Variants in MBD5 observed in about 807,000 individuals in gnomAD.
The protein encoded by MBD5 is methyl-CpG-binding domain protein 5.
A neutral mutation model predicts 117.3 loss-of-function variants in MBD5; 13 were observed. The ratio of observed to expected loss-of-function variants is 0.11; its 90% confidence interval spans 0.07 to 0.18. MBD5 has a LOEUF of 0.18. MBD5 is among the 10% of genes least tolerant of loss of function. The probability of loss-of-function intolerance (pLI) is 1.00; values close to 1 mark genes in which losing one functional copy is unlikely to be tolerated. For synonymous variants in MBD5, 727 were observed against 766.4 expected (o/e 0.95, Z 0.85); for missense variants, 1,879 against 2,093.8 (o/e 0.90, Z 2.00).
chr2:148,246,697 C>T (rs901896414), intron 3 of MBD5, among the ~76,000 whole-genome samples: 9 of 130,932 alleles, frequency 6.9e-5, no homozygotes, highest in African/African-American at 2.6e-4. Context: ...CCAGGGAGCA[C>T]AGGTTGCAGT....
At chr2:148,291,073 G>A (rs181313534) in intron 3 of MBD5, among the ~76,000 whole-genome samples, 3 of 152,138 alleles carry the variant, frequency 2.0e-5, no homozygotes, top group Non-Finnish European at 4.4e-5. Flanking sequence ...CTATCTTTTT[G>A]TAGGTACCAC....
chr2:148,497,269 A>T (rs1188363544), intron 11 of MBD5, among the ~76,000 whole-genome samples: 6 of 152,120 alleles, frequency 3.9e-5, no homozygotes, highest in African/African-American at 1.4e-4. Flanking sequence ...TGTACTAGGC[A>T]CTATTCAAGC....
At chr2:148,259,178 C>G (rs1700672312) in intron 3 of MBD5, among the ~76,000 whole-genome samples, 1 of 152,196 alleles carries the variant, frequency 6.6e-6, no homozygotes, top group South Asian at 2.1e-4. Context: ...GTCCGTATGG[C>G]TGCCCATAGC....
intron 2 of MBD5, among the ~76,000 whole-genome samples, chr2:148,219,407 A>T (rs893612910): frequency 2.6e-5 from 4 of 152,092 alleles, no homozygotes; most frequent in Admixed American, 2.6e-4. Context: ...GAAGGAGTAC[A>T]CTCTACTATA....
intron 1 of MBD5, among the ~76,000 whole-genome samples, chr2:148,101,487 C>T (rs1259920726): frequency 6.6e-6 from 1 of 151,862 alleles, no homozygotes; most frequent in Non-Finnish European, 1.5e-5. Flanking sequence ...TCATATGGTT[C>T]CAATGGAAAT....
intron 1 of MBD5, among the ~76,000 whole-genome samples, chr2:148,030,082 C>A (rs1448557147): frequency 2.6e-5 from 4 of 152,066 alleles, no homozygotes; most frequent in Non-Finnish European, 5.9e-5. Context: ...ACCAGCCTGA[C>A]CAGCATGGTA....
intron 6 of MBD5, among the ~76,000 whole-genome samples, 164 bp from the exon 7 acceptor site, chr2:148,463,575 A>G (rs544403143): frequency 6.6e-5 from 10 of 152,312 alleles, no homozygotes; most frequent in Non-Finnish European, 1.0e-4. Context: ...TGAGTTCAGC[A>G]GAAGTACTTA....
intron 1 of MBD5, among the ~76,000 whole-genome samples, chr2:148,091,830 A>G (rs1383522964): frequency 6.6e-6 from 1 of 152,322 alleles, no homozygotes; most frequent in East Asian, 1.9e-4. Flanking sequence ...TAATTAAACT[A>G]AAAAGTTTCT....
chr2:148,132,842 T>C (rs1697083079), intron 1 of MBD5, among the ~76,000 whole-genome samples: 1 of 152,216 alleles, frequency 6.6e-6, no homozygotes, highest in African/African-American at 2.4e-5. Context: ...CCACACCTGG[T>C]TTTGTAGGCT....
chr2:148,111,367 A>C (rs1042943535), intron 1 of MBD5, among the ~76,000 whole-genome samples: 2 of 152,142 alleles, frequency 1.3e-5, no homozygotes, highest in African/African-American at 4.8e-5. Flanking sequence ...ACACATTCAA[A>C]CTGAGGAACA....
Position 148,468,577 on chromosome 2 carries a change from T to C in MBD5, c.634T>C (p.Ser212Pro), listed in dbSNP as rs1680670538. 2 of 1,613,710 alleles carry C rather than the reference T, an allele frequency of 1.2e-6. No individual in the cohort carries two copies. Among genetic ancestry groups the C allele is most frequent in the Non-Finnish European group, 1.7e-6 (2 of 1,179,856 alleles). The change falls in exon 8 of 14, where the codon TCT becomes CCT. Residue 212 changes from serine to proline, a missense_variant. This residue lies in a region of MBD5 where 1,666 missense variants were observed against 1,792.2 expected (regional missense o/e 0.93). Coordinates refer to ENST00000642680, the MANE Select transcript of MBD5 (RefSeq NM_001378120.1). Reference protein sequence around the residue: ...RLGSSEHGQKSPFRGSHGGLP... With the variant: ...RLGSSEHGQKPPFRGSHGGLP... ...GGGCAGCAGTGAACATGGACAGAAA[T>C]CTCCATTCCGTGGCAGCCATGGAGG...
chr2:148,266,448 G>T (rs576974382), intron 3 of MBD5, among the ~76,000 whole-genome samples: 3 of 151,950 alleles, frequency 2.0e-5, no homozygotes, highest in Non-Finnish European at 4.4e-5. Flanking sequence ...AGAATAGCAA[G>T]CATGCCACTT....
At chr2:148,152,955 G>C (rs1335222990) in intron 1 of MBD5, among the ~76,000 whole-genome samples, 1 of 151,324 alleles carries the variant, frequency 6.6e-6, no homozygotes, top group Non-Finnish European at 1.5e-5. Flanking sequence ...AGTTAATATT[G>C]TTATGTGTGA....
At chr2:148,379,343 A>G (rs1346535477) in intron 4 of MBD5, among the ~76,000 whole-genome samples, 3 of 152,136 alleles carry the variant, frequency 2.0e-5, no homozygotes, top group Non-Finnish European at 2.9e-5. Flanking sequence ...GAAGCTAGAA[A>G]TCAGTGGAAT....
In MBD5 at chr2:148,332,614, T is replaced by C. The variant is rs73015109; in HGVS notation, c.-679-9600T>C. ...TTCATTTTCTTTCTGAATTTTTATGTCTTCCCTCCATTGTCTTTTAGCCTC... is the reference window on the plus strand; with the variant it reads ...TTCATTTTCTTTCTGAATTTTTATGCCTTCCCTCCATTGTCTTTTAGCCTC... On this transcript the variant is annotated intron_variant, in intron 3 of 13. Coordinates refer to ENST00000642680, the MANE Select transcript of MBD5 (RefSeq NM_001378120.1). Among the ~76,000 whole-genome samples, 839 of 152,310 alleles carry C rather than the reference T, an allele frequency of 5.5e-3. 8 individuals are homozygous for C. The highest frequency in any genetic ancestry group is 0.02 in the African/African-American group (813 of 41,568).
intron 9 of MBD5, 76 bp downstream of exon 9, chr2:148,484,211 C>A (rs1345016167): frequency 8.3e-7 from 1 of 1,209,102 alleles, no homozygotes; most frequent in Non-Finnish European, 1.1e-6. Context: ...TTAAAAACTC[C>A]ATTTTGTCAC....
At chr2:148,319,684 T>A (rs182615907) in intron 3 of MBD5, among the ~76,000 whole-genome samples, 96 of 152,342 alleles carry the variant, frequency 6.3e-4, no homozygotes, top group African/African-American at 2.2e-3. Context: ...AGATATAAGA[T>A]CATATCATCA....
chr2:148,423,010 G>A (rs1343521136), intron 4 of MBD5, among the ~76,000 whole-genome samples: 1 of 152,114 alleles, frequency 6.6e-6, no homozygotes, highest in Non-Finnish European at 1.5e-5. Context: ...ACACTCTTTA[G>A]GATATTATCC....
At chr2:148,311,789 G>A (rs938242696) in intron 3 of MBD5, among the ~76,000 whole-genome samples, 1 of 152,166 alleles carries the variant, frequency 6.6e-6, no homozygotes, top group East Asian at 1.9e-4. Flanking sequence ...GCTGATACCG[G>A]TTTTTCCTTT....
Sources: gnomAD v4.1 joint callset for allele counts (sites outside exome capture counted in the v4.1 genomes callset) on GRCh38, gnomAD v4.1.1 for gene constraint, gnomAD v4.1.1 regional missense constraint, MANE v1.5 for transcripts, NCBI Gene and HGNC (gene_info 2026-07-23, HGNC 2026-07-21) for gene names.